The following SBNO1 variants were observed in gnomAD, a reference collection of about 807,000 sequenced individuals.
SBNO1 encodes strawberry notch homolog 1.
SBNO1 carries 23 observed loss-of-function variants against 173.6 expected under a neutral mutation model. That is an observed-to-expected ratio of 0.13 (90% CI 0.10 to 0.19). The LOEUF (loss-of-function observed/expected upper bound fraction) is 0.19. SBNO1 is among the 10% of genes least tolerant of loss of function. SBNO1 has a pLI of 1.00. For missense variants in SBNO1, 1,238 were observed against 1,671.2 expected (o/e 0.74, Z 4.52); for synonymous variants, 632 against 571.5 (o/e 1.11, Z -1.51).
At position 123,345,555 on chromosome 12, in the gene SBNO1, T is replaced by C. The variant is rs766062139; in HGVS notation, c.253A>G (p.Thr85Ala). Residue 85 changes from threonine to alanine, a missense_variant, in exon 4 of 32, where the codon ACT (threonine) becomes GCT (alanine). Around this residue, in one of 14 missense-constraint regions of SBNO1, gnomAD observed 287 missense variants for 274.1 expected, o/e 1.05. Transcript: ENST00000602398. ...LLNVRQQPPS[T>A]TTFVLNQINH... is the part of the protein sequence containing the mutation. ...ATTTGATTCAGCACAAATGTTGTAG[T>C]AGATGGAGGCTGCTGCTAGATAGAA... 1.2e-6 allele frequency: 2 copies of C among 1,613,400 alleles called. No homozygotes were observed. The highest frequency in any genetic ancestry group is 1.7e-5 in the Admixed American group (1 of 59,984).
rs774952502 is a variant in SBNO1 at position 123,334,035 on chromosome 12, T to C, written c.909+18A>G. On this transcript the variant is annotated intron_variant, in intron 7 of 31. Coordinates refer to ENST00000602398, the MANE Select transcript of SBNO1 (RefSeq NM_001167856.3). ...ATAGGATAAAATAATTATTGTATTA[T>C]GAAATATTATTGCTTACCTGGGCTG... The C allele has an allele frequency of 4.7e-6, 7 of 1,501,642 alleles. No homozygotes were observed. Among genetic ancestry groups the C allele is most frequent in the Non-Finnish European group, 6.3e-6 (7 of 1,112,438 alleles). The allele number at this position is 1,501,642 out of a possible 1,614,324, so 93.0% of individuals were successfully genotyped here.
chr12:123,364,804 G>GCGC lies in SBNO1; in HGVS notation c.-105_-104insGCG. On this transcript the variant is annotated 5_prime_UTR_variant, in exon 1 of 32. Transcript: ENST00000602398. ...GGCGGCGGTGGCGGCGGCAGCAGCG[G>GCGC]CGTCCTGCTCTGCCTACCTCCCCGC... 2.0e-6 allele frequency: 2 copies of GCGC among 987,930 alleles called. No homozygotes were observed. Among genetic ancestry groups the GCGC allele is most frequent in the Non-Finnish European group, 2.4e-6 (2 of 831,570 alleles). 61.2% of individuals were successfully genotyped at this position (987,930 alleles called of 1,614,324 possible).
chr12:123,330,514 CA>C lies in SBNO1; in HGVS notation c.1044-6del. ...AAGTCATTTGAAACACTAAACCTGC[CA>C]AAATATTAAAAAGCACAAATTAAAT... On this transcript the variant is annotated splice_region_variant and splice_polypyrimidine_tract_variant and intron_variant, in intron 8 of 31. Transcript: ENST00000602398. 1 of 1,516,818 alleles carries C rather than the reference CA, an allele frequency of 6.6e-7. No individual in the cohort carries two copies. The highest frequency in any genetic ancestry group is 2.3e-5 in the East Asian group (1 of 43,560). The allele number at this position is 1,516,818 out of a possible 1,614,324, so 94.0% of individuals were successfully genotyped here.
chr12:123,362,620 T>G (rs1011244114), intron 1 of SBNO1, among the ~76,000 whole-genome samples: 4 of 150,080 alleles, frequency 2.7e-5, no homozygotes, highest in African/African-American at 7.4e-5. Context: ...TAAAAAAAAA[T>G]TAGCCAGGTG....
At chr12:123,317,408 C>G (rs772610942) in intron 20 of SBNO1, 52 bp from the exon 21 acceptor site, 1 of 1,561,750 alleles carries the variant, frequency 6.4e-7, no homozygotes, top group Admixed American at 1.7e-5. Context: ...AACAAGCAGG[C>G]CAGTGCCTTA....
chr12:123,349,141 C>T (rs568542051), intron 2 of SBNO1: 2 of 151,888 alleles, frequency 1.3e-5, no homozygotes, highest in South Asian at 4.2e-4. Flanking sequence ...GCTCTGTCAC[C>T]CAGGCTAAAG....
chr12:123,310,665 G>A (rs1417535690), intron 25 of SBNO1, among the ~76,000 whole-genome samples: 1 of 152,074 alleles, frequency 6.6e-6, no homozygotes, highest in Admixed American at 6.6e-5. Flanking sequence ...CTCCCGAGTA[G>A]CTGGGACTAC....
At chr12:123,331,063 C>A (rs1255169159) in intron 8 of SBNO1, among the ~76,000 whole-genome samples, 179 bp downstream of exon 8, 2 of 152,020 alleles carry the variant, frequency 1.3e-5, no homozygotes, top group African/African-American at 2.4e-5. Flanking sequence ...CCAGGGTTCA[C>A]GCCATTCTCC....
intron 5 of SBNO1, among the ~76,000 whole-genome samples, chr12:123,337,664 C>T (rs1872012170): frequency 6.6e-6 from 1 of 152,186 alleles, no homozygotes; most frequent in East Asian, 1.9e-4. Flanking sequence ...AACTCAATTT[C>T]GGAAATTCGA....
chr12:123,295,937 G>A lies in SBNO1; in HGVS notation c.4153C>T (p.Gln1385Ter). The A allele has an allele frequency of 6.2e-7, 1 of 1,612,644 alleles. No individual in the cohort carries two copies. Among genetic ancestry groups the A allele is most frequent in the Non-Finnish European group, 8.5e-7 (1 of 1,178,618 alleles). ...GCGTTGCTCAAGTTGGTGATGCTCT[G>A]AGGGTGATGCTGTTGCCATAGCTGT... is the stretch of plus-strand genomic sequence containing the variant. ...QKQLWQQHHP[Q>*]SITNLSNA The change falls in exon 32 of 32, where the codon CAG becomes TAG. Residue 1385 changes from glutamine (Q) to a stop codon, truncating the protein, a stop_gained. Coordinates refer to ENST00000602398, the MANE Select transcript of SBNO1 (RefSeq NM_001167856.3). LOFTEE classifies it high-confidence loss of function.
intron 4 of SBNO1, 98 bp downstream of exon 4, chr12:123,345,160 A>C: frequency 9.8e-7 from 1 of 1,021,138 alleles, no homozygotes; most frequent in Non-Finnish European, 1.5e-6. Flanking sequence ...ACACCCTTTT[A>C]TGGCCAGTTC....
intron 9 of SBNO1, among the ~76,000 whole-genome samples, chr12:123,329,950 T>G (rs1190316694): frequency 1.3e-5 from 2 of 152,208 alleles, no homozygotes; most frequent in Non-Finnish European, 2.9e-5. Flanking sequence ...TGTTTTCATG[T>G]GAGCAGAGGT....
chr12:123,363,626 C>T (rs1034740003), intron 1 of SBNO1, among the ~76,000 whole-genome samples: 6 of 152,178 alleles, frequency 3.9e-5, no homozygotes, highest in African/African-American at 1.4e-4. Context: ...TCCGGGTGCA[C>T]TTACAATTGG....
rs973888677 is a variant in SBNO1, at chr12:123,364,739, G to C, written c.-39C>G. ...CCCGGCGCCAGCACAGCTCCTCCCG[G>C]GAGGTGTGAGTTTGAAGGACCAGAG... On this transcript the variant is annotated 5_prime_UTR_variant, in exon 1 of 32. Coordinates refer to ENST00000602398, the MANE Select transcript of SBNO1 (RefSeq NM_001167856.3). 1 of 987,798 alleles carries C rather than the reference G, an allele frequency of 1.0e-6. No homozygotes were observed. The highest frequency in any genetic ancestry group is 1.2e-6 in the Non-Finnish European group (1 of 831,310). 61.2% of individuals were successfully genotyped at this position (987,798 alleles called of 1,614,324 possible).
chr12:123,289,830 G>C lies in SBNO1; in HGVS notation c.*6078C>G, dbSNP rs900363476. 2.6e-5 allele frequency: 4 copies of C among 152,240 alleles called. No homozygotes were observed. Among genetic ancestry groups the C allele is most frequent in the Admixed American group, 6.5e-5 (1 of 15,276 alleles). 9.4% of individuals were successfully genotyped at this position (152,240 alleles called of 1,614,324 possible). A position where few individuals can be genotyped will look rare whatever the true frequency, so the allele number is the denominator to read the frequency against. ...CCCCATAAAGTGGGAGTCAGAAAGA[G>C]GGCTCAAGCTTCTTTATCCTCTTCA... On this transcript the variant is annotated 3_prime_UTR_variant, in exon 32 of 32. Coordinates refer to ENST00000602398, the MANE Select transcript of SBNO1 (RefSeq NM_001167856.3).
Position 123,331,232 on chromosome 12 carries a change from A to T in SBNO1, c.1043+10T>A. Reference sequence around the variant, plus strand: ...TGCGCCTGGCCCACAGCCAGTTTTTAAACACTTACCACAATGCTCGTTTTC... The same window carrying T: ...TGCGCCTGGCCCACAGCCAGTTTTTTAACACTTACCACAATGCTCGTTTTC... On this transcript the variant is annotated intron_variant, in intron 8 of 31. Transcript: ENST00000602398. 6.2e-7 allele frequency: 1 copy of T among 1,613,210 alleles called. No homozygotes were observed. The highest frequency in any genetic ancestry group is 8.5e-7 in the Non-Finnish European group (1 of 1,179,492).
In SBNO1 at chr12:123,320,595, G is replaced by T. The variant is rs775506437; in HGVS notation, c.2504C>A (p.Thr835Asn). ...TGTTATAAGGCTACTGTTACTGTTGGTGTTACTGTTAGCTAGATAAAGAAC... is the reference window on the plus strand; with the variant it reads ...TGTTATAAGGCTACTGTTACTGTTGTTGTTACTGTTAGCTAGATAAAGAAC... ...APNSTPANSNTNSNSSLITSQ... is the reference protein window; with the variant it reads ...APNSTPANSNNNSNSSLITSQ... Residue 835 changes from threonine (T) to asparagine (N), a missense_variant, in exon 19 of 32, where the codon ACC becomes AAC. Thr to Asn is a moderately conservative substitution (Grantham distance 65, BLOSUM62 0). This residue lies in a region of SBNO1 where 74 missense variants were observed against 68.5 expected (regional missense o/e 1.08). Transcript: ENST00000602398. 1.9e-6 allele frequency: 3 copies of T among 1,611,982 alleles called. No individual in the cohort carries two copies. The highest frequency in any genetic ancestry group is 3.4e-5 in the Admixed American group (2 of 59,554).
chr12:123,334,306 CAT>C (rs75915233), intron 6 of SBNO1, 93 bp from the exon 7 acceptor site: 19,114 of 792,036 alleles, frequency 0.024, 373 homozygotes, highest in South Asian at 0.044. Flanking sequence ...TTTCTTATAA[CAT>C]AGAAAAATAA....
At chr12:123,325,724 A>C (rs984358445) in intron 14 of SBNO1, 125 bp from the exon 15 acceptor site, 1 of 727,298 alleles carries the variant, frequency 1.4e-6, no homozygotes, top group East Asian at 2.5e-5. Context: ...TATAAAACAC[A>C]AATTTGTTTT....
Sources: allele counts gnomAD v4.1 joint callset (sites outside exome capture counted in the v4.1 genomes callset), GRCh38; gene constraint gnomAD v4.1.1; regional missense constraint gnomAD v4.1.1; transcripts MANE v1.5; gene names NCBI Gene and HGNC (gene_info 2026-07-23, HGNC 2026-07-21).